Variants in FANCI observed in about 807,000 individuals in gnomAD.
The protein encoded by FANCI is Fanconi anemia group I protein.
In FANCI, 156 loss-of-function variants were observed where a neutral mutation model predicts 176.1. The ratio of observed to expected loss-of-function variants is 0.89; its 90% CI spans 0.78 to 1.01. The LOEUF is 1.01. Among genes scored for constraint, FANCI ranks in the 50% least tolerant of loss-of-function variants. FANCI has a pLI of 0.00. For missense variants in FANCI, 1,678 were observed against 1,534.1 expected, an observed-to-expected ratio of 1.09 and a Z score of -1.57; for synonymous variants, 613 against 541.7, an observed-to-expected ratio of 1.13 and a Z score of -1.83.
At chr15:89,275,756 A>T (rs192368634) in intron 12 of FANCI, among the ~76,000 whole-genome samples, 1 of 152,334 alleles carries the variant, frequency 6.6e-6, no homozygotes, top group Admixed American at 6.5e-5. Context: ...AAAGCTTCCC[A>T]TCTTCTGGAA....
At chr15:89,298,041 T>C (rs183309642) in intron 24 of FANCI, among the ~76,000 whole-genome samples, 204 of 152,166 alleles carry the variant, frequency 1.3e-3, no homozygotes, top group African/African-American at 4.7e-3. Context: ...AAATCCTTAA[T>C]TAATGTAATC....
chr15:89,282,455 C>G (rs1415174585), intron 16 of FANCI: 1 of 161,628 alleles, frequency 6.2e-6, no homozygotes, highest in Non-Finnish European at 1.4e-5. Context: ...TTGCCATCTC[C>G]TAAAAATATA....
intron 14 of FANCI, among the ~76,000 whole-genome samples, chr15:89,280,171 G>T (rs1347624656): frequency 1.3e-5 from 2 of 152,128 alleles, no homozygotes; most frequent in Non-Finnish European, 2.9e-5. Context: ...GCAGGCACGT[G>T]CCACCACACC....
intron 2 of FANCI, among the ~76,000 whole-genome samples, chr15:89,255,486 G>A (rs1411109631): frequency 6.6e-6 from 1 of 152,112 alleles, no homozygotes; most frequent in Non-Finnish European, 1.5e-5. Flanking sequence ...GGTGGGGGAA[G>A]TAATTATAAA....
chr15:89,303,797 C>G (rs1459451668), intron 27 of FANCI, 67 bp from the exon 28 acceptor site: 1 of 1,405,508 alleles, frequency 7.1e-7, no homozygotes, highest in South Asian at 1.2e-5. Context: ...TAGAACTCTT[C>G]TGTTCTGACA....
chr15:89,252,190 C>T (rs1052101163), intron 2 of FANCI, among the ~76,000 whole-genome samples: 2 of 151,248 alleles, frequency 1.3e-5, no homozygotes, highest in Admixed American at 6.6e-5. Flanking sequence ...ATCCCAGCTA[C>T]TCGGGAGGCT....
intron 18 of FANCI, among the ~76,000 whole-genome samples, chr15:89,286,142 A>T (rs183690417): frequency 2.8e-4 from 43 of 152,118 alleles, no homozygotes; most frequent in African/African-American, 1.0e-3. Flanking sequence ...ACAGCCATGC[A>T]CCACCATGCC....
At chr15:89,262,222 T>G (rs2052741254) in intron 6 of FANCI, among the ~76,000 whole-genome samples, 1 of 152,096 alleles carries the variant, frequency 6.6e-6, no homozygotes, top group South Asian at 2.1e-4. Flanking sequence ...AAAGTCACCC[T>G]GCTGCTGCAT....
Position 89,305,365 on chromosome 15 carries a change from C to A in FANCI, c.3211C>A (p.His1071Asn). 6.2e-7 allele frequency: 1 copy of A among 1,614,090 alleles called. No individual in the cohort carries two copies. Among genetic ancestry groups the A allele is most frequent in the Non-Finnish European group, 8.5e-7 (1 of 1,180,034 alleles). The change falls in exon 30 of 38, where the codon CAC (histidine) becomes AAC (asparagine). Residue 1071 changes from histidine to asparagine, a missense_variant. His to Asn is a moderately conservative substitution (Grantham distance 68). Coordinates refer to ENST00000310775, the MANE Select transcript of FANCI (RefSeq NM_001113378.2). ...DQDVEVEKTNHFAIVNLRTAA... is the reference protein window; with the variant it reads ...DQDVEVEKTNNFAIVNLRTAA... ...GGATGTAGAGGTGGAGAAAACAAAC[C>A]ACTTTGCAATAGTGAATTTGAGAAC...
In FANCI at chr15:89,316,501, C is replaced by T; in HGVS notation, c.*42C>T. ...AATGTGAACTTTGGGGCTTCTGCTT[C>T]ATTTTTACCCAACAAGCAACAATGC... On this transcript the variant is annotated 3_prime_UTR_variant, in exon 38 of 38. Coordinates refer to ENST00000310775, the MANE Select transcript of FANCI (RefSeq NM_001113378.2). 1 of 1,568,066 alleles carries T rather than the reference C, an allele frequency of 6.4e-7. No individual in the cohort carries two copies. The highest frequency in any genetic ancestry group is 8.7e-7 in the Non-Finnish European group (1 of 1,150,146).
chr15:89,275,557 T>C (rs2053378694), intron 12 of FANCI, among the ~76,000 whole-genome samples: 1 of 152,358 alleles, frequency 6.6e-6, no homozygotes, highest in East Asian at 1.9e-4. Context: ...AGCTTTGCAG[T>C]AGGGCAAATT....
chr15:89,278,592 T>C (rs185787514), intron 13 of FANCI, 95 bp from the exon 14 acceptor site: 13 of 860,060 alleles, frequency 1.5e-5, no homozygotes, highest in Non-Finnish European at 2.4e-5. Flanking sequence ...GTTTTACTCA[T>C]ATCCAAACGG....
chr15:89,250,698 A>T (rs868855090), intron 2 of FANCI, among the ~76,000 whole-genome samples: 183 of 149,530 alleles, frequency 1.2e-3, no homozygotes, highest in African/African-American at 3.8e-3. Context: ...GTATAATAAA[A>T]ATATATATAT....
At position 89,293,998 on chromosome 15, in the gene FANCI, G is replaced by A. The variant is rs1437269265; in HGVS notation, c.2456+1G>A. 5.6e-6 allele frequency: 9 copies of A among 1,613,988 alleles called. No individual in the cohort carries two copies. The South Asian group carries it at 9.9e-5, about 18-fold the overall frequency. ...CCAGTCTTCTCACTGCTCTTTTCAGGTAAGGTTCTGCTAGAGTGCTTAAAG... is the reference window on the plus strand; with the variant it reads ...CCAGTCTTCTCACTGCTCTTTTCAGATAAGGTTCTGCTAGAGTGCTTAAAG... On this transcript the variant is annotated splice_donor_variant, in intron 23 of 37. Coordinates refer to ENST00000310775, the MANE Select transcript of FANCI (RefSeq NM_001113378.2). LOFTEE classifies it high-confidence loss of function.
Position 89,316,662 on chromosome 15 carries a change from G to T in FANCI, c.*203G>T. 1 of 1,262,512 alleles carries T rather than the reference G, an allele frequency of 7.9e-7. No individual in the cohort carries two copies. The highest frequency in any genetic ancestry group is 1.2e-6 in the Non-Finnish European group (1 of 863,828). The allele number at this position is 1,262,512 out of a possible 1,614,324, so 78.2% of individuals were successfully genotyped here. A position where few individuals can be genotyped will look rare whatever the true frequency, so the allele number is the denominator to read the frequency against. On this transcript the variant is annotated 3_prime_UTR_variant, in exon 38 of 38. Coordinates refer to ENST00000310775, the MANE Select transcript of FANCI (RefSeq NM_001113378.2). ...TGGCTGGCCTTAGGCAAGCCCTTTT[G>T]CAAAAAGCACAGCTGAAAGCCTGAG...
rs1421332670 is a variant in FANCI, at chr15:89,293,891, A to C, written c.2350A>C (p.Ile784Leu). 6.2e-7 allele frequency: 1 copy of C among 1,614,042 alleles called. No individual in the cohort carries two copies. Among genetic ancestry groups the C allele is most frequent in the Admixed American group, 1.7e-5 (1 of 60,006 alleles). Residue 784 changes from isoleucine to leucine, a missense_variant, in exon 23 of 38, where the codon ATT (isoleucine) becomes CTT (leucine). Physicochemically the swap from Ile to Leu is conservative, Grantham distance 5 (BLOSUM62 2). This residue lies in a region of FANCI where 1,204 missense variants were observed against 1,077.4 expected (regional missense o/e 1.12). Transcript: ENST00000310775. ...LFMCYKKLSD[I>L]LNEKAGKAKT... ...TATGTGTTACAAAAAACTCTCTGAC[A>C]TTCTTAATGAAAAAGCGGGTAAAGC... is the stretch of plus-strand genomic sequence containing the variant.
intron 18 of FANCI, among the ~76,000 whole-genome samples, chr15:89,286,359 G>A (rs889884838): frequency 5.3e-5 from 8 of 152,090 alleles, no homozygotes; most frequent in Admixed American, 2.0e-4. Flanking sequence ...TTTACTGAAC[G>A]TCTGATTAAA....
intron 24 of FANCI, among the ~76,000 whole-genome samples, chr15:89,296,039 C>T (rs959189681): frequency 1.7e-4 from 26 of 152,166 alleles, no homozygotes; most frequent in Non-Finnish European, 3.4e-4. Context: ...GTGATCTTGG[C>T]TTACTGCAAC....
In FANCI at chr15:89,276,872, T is replaced by C. The variant is rs535042784; in HGVS notation, c.1274T>C (p.Ile425Thr). 8.1e-6 allele frequency: 13 copies of C among 1,614,066 alleles called. No homozygotes were observed. The highest frequency in any genetic ancestry group is 1.3e-5 in the African/African-American group (1 of 74,934). ...NQHACKLGAN[I>T]LLETFKIHEM... Reference sequence around the variant, plus strand: ...CATGCATGTAAGCTCGGAGCTAATATCCTGTTGGAAACTTTTAAGGTGAGA... The same window carrying C: ...CATGCATGTAAGCTCGGAGCTAATACCCTGTTGGAAACTTTTAAGGTGAGA... The change falls in exon 13 of 38, where the codon ATC becomes ACC. Residue 425 changes from isoleucine to threonine, a missense_variant. Ile to Thr is a moderately conservative substitution (Grantham distance 89, BLOSUM62 -1). Transcript: ENST00000310775.
Sources: allele counts gnomAD v4.1 joint callset (sites outside exome capture counted in the v4.1 genomes callset), GRCh38; gene constraint gnomAD v4.1.1; regional missense constraint gnomAD v4.1.1; transcripts MANE v1.5; gene names NCBI Gene and HGNC (gene_info 2026-07-23, HGNC 2026-07-21).